The following PCDHGA12 variants were observed in gnomAD, a reference collection of about 807,000 sequenced individuals.
The protein encoded by PCDHGA12 is protocadherin gamma subfamily A, 12.
In PCDHGA12, 43 loss-of-function variants were observed where a neutral mutation model predicts 61.1. The ratio of observed to expected loss-of-function variants is 0.70; its 90% CI spans 0.55 to 0.91. PCDHGA12 has a LOEUF of 0.91. PCDHGA12 is among the 40% of genes least tolerant of loss of function. The pLI is 0.00. For synonymous variants in PCDHGA12, 520 were observed against 542.9 expected, an observed-to-expected ratio of 0.96 and a Z score of 0.59; for missense variants, 1,236 against 1,227.7, an observed-to-expected ratio of 1.01 and a Z score of -0.10.
At position 141,500,878 on chromosome 5, in the gene PCDHGA12, T is replaced by A. The variant is rs545375199; in HGVS notation, c.2484-4515T>A. On this transcript the variant is annotated intron_variant, in intron 2 of 3. Transcript: ENST00000252085. The stretch of plus-strand genomic sequence containing the variant: ...AGAAAACATACACATTCATTTACAA[T>A]TTTTTTTTTTTGAGACAGTCTCGCT... Among the ~76,000 whole-genome samples, 20 of 92,410 alleles carry A rather than the reference T, an allele frequency of 2.2e-4. 1 individual carries two copies. The East Asian group carries it at 4.8e-3, about 22-fold the overall frequency. The allele number at this position is 92,410 out of a possible 152,430, so 60.6% of individuals were successfully genotyped here.
At position 141,486,209 on chromosome 5, in the gene PCDHGA12, A is replaced by G. The variant is rs749965379; in HGVS notation, c.2425-8598A>G. 1.2e-6 allele frequency: 2 copies of G among 1,614,080 alleles called. No homozygotes were observed. The highest frequency in any genetic ancestry group is 1.7e-6 in the Non-Finnish European group (2 of 1,179,988). ...AGTGGATCTGCTGGACGTAAATGAC[A>G]ATGCCCCTTACATCACAGTGACCTC... On this transcript the variant is annotated intron_variant, in intron 1 of 3. Transcript: ENST00000252085. The surrounding 1 kb of genome is among the most constrained non-coding windows in gnomAD (Gnocchi z 5.0).
intron 1 of PCDHGA12, chr5:141,478,942 C>G: frequency 1.7e-6 from 1 of 579,218 alleles, no homozygotes; most frequent in Non-Finnish European, 2.9e-6. Context: ...TCTAGGAATA[C>G]AAAAACTACC....
chr5:141,466,016 G>A (rs1592991828), intron 1 of PCDHGA12, among the ~76,000 whole-genome samples: 2 of 152,032 alleles, frequency 1.3e-5, no homozygotes, highest in East Asian at 3.9e-4. Flanking sequence ...CAGCTACTCG[G>A]GAGGGTGAGG....
chr5:141,476,977 C>T lies in PCDHGA12; in HGVS notation c.2425-17830C>T, dbSNP rs141692339. 3,083 of 1,614,232 alleles carry T rather than the reference C, an allele frequency of 1.9e-3. 52 individuals carry two copies. The African/African-American group carries it at 0.034, about 18-fold the overall frequency. Reference sequence around the variant, plus strand: ...TTATTTACTCCTTCGGCAGCCACAACCGCGCCGGCGTGCGGCAACTATTCG... The same window carrying T: ...TTATTTACTCCTTCGGCAGCCACAATCGCGCCGGCGTGCGGCAACTATTCG... On this transcript the variant is annotated intron_variant, in intron 1 of 3. Coordinates refer to ENST00000252085, the MANE Select transcript of PCDHGA12 (RefSeq NM_003735.3). This position sits in a 1 kb window ranked among gnomAD's most constrained non-coding sequence, Gnocchi z 7.6.
Position 141,477,161 on chromosome 5 carries a change from G to A in PCDHGA12, c.2425-17646G>A, listed in dbSNP as rs761453939. On this transcript the variant is annotated intron_variant, in intron 1 of 3. Transcript: ENST00000252085. The surrounding 1 kb of genome is among the most constrained non-coding windows in gnomAD (Gnocchi z 4.9). ...GGAGGTTGTGGATGTGAATGACAAC[G>A]CCCCGGAGATCACAGTCACCTCCGT... 1.9e-6 allele frequency: 3 copies of A among 1,613,988 alleles called. No individual in the cohort carries two copies. The highest frequency in any genetic ancestry group is 2.7e-5 in the African/African-American group (2 of 74,904).
In PCDHGA12 at chr5:141,489,456, G is replaced by A. The variant is rs1468723020; in HGVS notation, c.2425-5351G>A. The A allele has an allele frequency of 1.2e-6, 2 of 1,614,050 alleles. No homozygotes were observed. Among genetic ancestry groups the A allele is most frequent in the Non-Finnish European group, 1.7e-6 (2 of 1,180,016 alleles). ...TGCAATTGGGCTCTGAGGAGAATGG[G>A]CGCTATTTTTCCCTGAGCTTGATGA... On this transcript the variant is annotated intron_variant, in intron 1 of 3. Transcript: ENST00000252085. This position sits in a 1 kb window ranked among gnomAD's most constrained non-coding sequence, Gnocchi z 4.5.
At chr5:141,435,010 G>A (rs2097736933) in intron 1 of PCDHGA12, among the ~76,000 whole-genome samples, 1 of 151,950 alleles carries the variant, frequency 6.6e-6, no homozygotes, top group Non-Finnish European at 1.5e-5. Flanking sequence ...ATTTATCAAT[G>A]ATAATGCTCT....
chr5:141,456,229 C>G (rs191169523), intron 1 of PCDHGA12, among the ~76,000 whole-genome samples: 9 of 152,234 alleles, frequency 5.9e-5, no homozygotes, highest in African/African-American at 1.7e-4. Context: ...ATCAAACTAA[C>G]TGCTGTTAGG....
rs951502238 is a variant in PCDHGA12 at position 141,478,263 on chromosome 5, A to G, written c.2425-16544A>G. ...ACAGTGTTCGGAGTAATCATATTCA[A>G]AGTTTACAAGTGGAAGCAGTCTAGA... On this transcript the variant is annotated intron_variant, in intron 1 of 3. Coordinates refer to ENST00000252085, the MANE Select transcript of PCDHGA12 (RefSeq NM_003735.3). The G allele has an allele frequency of 2.5e-6, 4 of 1,614,046 alleles. No individual in the cohort carries two copies. The African/African-American group carries it at 5.3e-5, about 22-fold the overall frequency.
chr5:141,507,504 C>T (rs1443873775), intron 3 of PCDHGA12, among the ~76,000 whole-genome samples: 1 of 152,138 alleles, frequency 6.6e-6, no homozygotes, highest in Admixed American at 6.5e-5. Flanking sequence ...TGTCCCAGGT[C>T]TGGTGGGGCT....
rs528779386 is a variant in PCDHGA12, at chr5:141,509,416, C to T, written c.2573-1531C>T. Among the ~76,000 whole-genome samples, 4 of 152,258 alleles carry T rather than the reference C, an allele frequency of 2.6e-5. No individual in the cohort carries two copies. In the East Asian group the frequency reaches 7.7e-4, roughly 29 times the overall value. ...TCTCAGGGCCTCCAGCAGCGAGCCCCAATGAGTCAAACTCTTGTTTCCTCC... is the reference window on the plus strand; with the variant it reads ...TCTCAGGGCCTCCAGCAGCGAGCCCTAATGAGTCAAACTCTTGTTTCCTCC... On this transcript the variant is annotated intron_variant, in intron 3 of 3. Transcript: ENST00000252085.
rs373297942 is a variant in PCDHGA12, at chr5:141,431,494, C to T, written c.735C>T (p.Pro245=). The change falls in exon 1 of 4, where the codon CCC becomes CCT. Residue 245 remains proline, a synonymous_variant. Coordinates refer to ENST00000252085, the MANE Select transcript of PCDHGA12 (RefSeq NM_003735.3). This position sits in a 1 kb window ranked among gnomAD's most constrained non-coding sequence, Gnocchi z 4.8. ...ANDNAPAFAQ[P]EYRASVPENL... ...ACAACGCACCAGCGTTTGCTCAGCC[C>T]GAGTACCGCGCGAGCGTTCCGGAGA... 107 of 1,613,838 alleles carry T rather than the reference C, an allele frequency of 6.6e-5. No homozygotes were observed. Among genetic ancestry groups the T allele is most frequent in the Middle Eastern group, 1.6e-4 (1 of 6,084 alleles).
In PCDHGA12 at chr5:141,485,027, G is replaced by A. The variant is rs1594439784; in HGVS notation, c.2425-9780G>A. ...AATCTACCCCGCCACCAGCAAAAAC[G>A]GCGCGTAACCCTTGCGGCGCCGGCC... is the stretch of plus-strand genomic sequence containing the variant. On this transcript the variant is annotated intron_variant, in intron 1 of 3. Coordinates refer to ENST00000252085, the MANE Select transcript of PCDHGA12 (RefSeq NM_003735.3). The surrounding 1 kb of genome is among the most constrained non-coding windows in gnomAD (Gnocchi z 5.7). 1.5e-6 allele frequency: 1 copy of A among 662,546 alleles called. No individual in the cohort carries two copies. Among genetic ancestry groups the A allele is most frequent in the South Asian group, 1.9e-5 (1 of 53,596 alleles). The allele number at this position is 662,546 out of a possible 1,614,324, so 41.0% of individuals were successfully genotyped here.
intron 1 of PCDHGA12, 44 bp downstream of exon 1, chr5:141,433,227 T>C (rs1178649427): frequency 6.5e-6 from 10 of 1,528,034 alleles, no homozygotes; most frequent in Non-Finnish European, 8.9e-6. Context: ...TTTTAATTGC[T>C]CTGTCTCCCA....
chr5:141,471,972 T>C (rs952480654), intron 1 of PCDHGA12, among the ~76,000 whole-genome samples: 1 of 152,212 alleles, frequency 6.6e-6, no homozygotes, highest in South Asian at 2.1e-4. Context: ...GTTGCATTAC[T>C]GTATAAATTT....
rs564197257 is a variant in PCDHGA12, at chr5:141,458,715, A to G, written c.2424+25532A>G. On this transcript the variant is annotated intron_variant, in intron 1 of 3. Coordinates refer to ENST00000252085, the MANE Select transcript of PCDHGA12 (RefSeq NM_003735.3). ...CTCCCGAGTAGCTGGGATTACAGGT[A>G]TTCGCCACCACATCCAGCTATTGGT... Among the ~76,000 whole-genome samples the G allele has an allele frequency of 3.9e-5, 6 of 152,082 alleles. No homozygotes were observed. The East Asian group carries it at 9.7e-4, about 25-fold the overall frequency.
chr5:141,497,100 T>A (rs886445893), intron 2 of PCDHGA12, among the ~76,000 whole-genome samples: 2 of 151,774 alleles, frequency 1.3e-5, no homozygotes, highest in Non-Finnish European at 2.9e-5. Context: ...GAGGCAGAAC[T>A]GCTTGAACCC....
rs1225473275 is a variant in PCDHGA12 at position 141,512,442 on chromosome 5, TC to T, written c.*1271del. ...GGCCCCTGCCCTCCTGAAGCCTCAG[TC>T]CTTCACCTTGCCAGGTGCCGTTTCT... is the stretch of plus-strand genomic sequence containing the variant. On this transcript the variant is annotated 3_prime_UTR_variant, in exon 4 of 4. Transcript: ENST00000252085. 1 of 152,892 alleles carries T rather than the reference TC, an allele frequency of 6.5e-6. No individual in the cohort carries two copies. Among genetic ancestry groups the T allele is most frequent in the African/African-American group, 2.4e-5 (1 of 41,466 alleles). 9.5% of individuals were successfully genotyped at this position (152,892 alleles called of 1,614,324 possible).
At position 141,431,612 on chromosome 5, in the gene PCDHGA12, G is replaced by A. The variant is rs79883194; in HGVS notation, c.853G>A (p.Asp285Asn). 1.9e-6 allele frequency: 3 copies of A among 1,614,126 alleles called. No homozygotes were observed. The highest frequency in any genetic ancestry group is 2.5e-6 in the Non-Finnish European group (3 of 1,180,052). ...AGTGAGGTATTCCTTCCGGTATGTG[G>A]ACGACAAGGCGGCCCAAGTTTTCAA... ...AEVRYSFRYV[D>N]DKAAQVFKLD... The change falls in exon 1 of 4, where the codon GAC becomes AAC. Residue 285 changes from aspartate to asparagine, a missense_variant. Asp to Asn is a conservative substitution (Grantham distance 23, BLOSUM62 1). Coordinates refer to ENST00000252085, the MANE Select transcript of PCDHGA12 (RefSeq NM_003735.3). This position sits in a 1 kb window ranked among gnomAD's most constrained non-coding sequence, Gnocchi z 4.8.
Sources: gnomAD v4.1 joint callset for allele counts (sites outside exome capture counted in the v4.1 genomes callset) on GRCh38, gnomAD v4.1.1 for gene constraint, Gnocchi (gnomAD v3.1) non-coding constraint, MANE v1.5 for transcripts, NCBI Gene and HGNC (gene_info 2026-07-23, HGNC 2026-07-21) for gene names.